The following ANKRD26 variants were observed in gnomAD, a reference collection of about 807,000 sequenced individuals.
ANKRD26 encodes the protein ankyrin repeat domain-containing protein 26.
A neutral mutation model predicts 208.7 loss-of-function variants in ANKRD26; 141 were observed. The ratio of observed to expected loss-of-function variants is 0.68; its 90% CI spans 0.59 to 0.78. ANKRD26 has a LOEUF of 0.78. Among genes scored for constraint, ANKRD26 ranks in the 30% least tolerant of loss-of-function variants. ANKRD26 has a pLI of 0.00. For missense variants in ANKRD26, 1,889 were observed against 1,938.7 expected (o/e 0.97, Z 0.48); for synonymous variants, 636 against 660.4 (o/e 0.96, Z 0.57).
At chr10:27,048,683 G>T in intron 17 of ANKRD26, 118 bp downstream of exon 17, 1 of 1,001,330 alleles carries the variant, frequency 1.0e-6, no homozygotes, top group Non-Finnish European at 1.5e-6. Flanking sequence ...TGCAAGGCAA[G>T]GTTGCATATC....
chr10:27,074,091 G>T (rs971897268), intron 9 of ANKRD26, among the ~76,000 whole-genome samples: 9 of 138,934 alleles, frequency 6.5e-5, no homozygotes, highest in African/African-American at 2.2e-4. Flanking sequence ...GAAGGAACCA[G>T]AAAAATAATT....
chr10:27,048,460 G>A (rs971538607), intron 17 of ANKRD26, among the ~76,000 whole-genome samples: 6 of 152,154 alleles, frequency 3.9e-5, no homozygotes, highest in African/African-American at 1.2e-4. Context: ...AGTCCCAGAA[G>A]TGAAGCTGTT....
downstream of ANKRD26, among the ~76,000 whole-genome samples, chr10:26,991,499 C>T (rs140634386): frequency 4.1e-3 from 618 of 151,884 alleles, 9 homozygotes; most frequent in African/African-American, 0.014. Context: ...TGCAATGGCA[C>T]GATCTTGGCT....
intron 20 of ANKRD26, among the ~76,000 whole-genome samples, chr10:27,042,798 C>CAAAAAAAA (rs60850386): frequency 8.2e-5 from 4 of 48,954 alleles, no homozygotes; most frequent in Non-Finnish European, 1.3e-4. Context: ...CAAAAAAATA[C>CAAAAAAAA]AAAAAAAAAA....
chr10:27,056,604 C>G (rs2054848214), intron 15 of ANKRD26, among the ~76,000 whole-genome samples: 1 of 151,548 alleles, frequency 6.6e-6, no homozygotes, highest in Non-Finnish European at 1.5e-5. Context: ...ATGGTGAAAC[C>G]CTGTCTCTAC....
At chr10:26,971,972 A>C (rs545903465), downstream of ANKRD26, among the ~76,000 whole-genome samples, 4 of 152,170 alleles carry the variant, frequency 2.6e-5, no homozygotes, top group East Asian at 7.7e-4. Flanking sequence ...GCAGTGGCTC[A>C]CGCCTGTAAT....
the ANKRD26 span, among the ~76,000 whole-genome samples, chr10:26,953,356 C>G: frequency 6.6e-6 from 1 of 152,122 alleles, no homozygotes; most frequent in Non-Finnish European, 1.5e-5. Flanking sequence ...CCCAGAAGTT[C>G]GAGAGTTCGA....
Position 27,004,121 on chromosome 10 carries a change from T to A in ANKRD26, c.*1469A>T, listed in dbSNP as rs1589193587. On this transcript the variant is annotated 3_prime_UTR_variant, in exon 34 of 34. Coordinates refer to ENST00000376087, the MANE Select transcript of ANKRD26 (RefSeq NM_014915.3). ...CATCGTGTCTGCAACCTACAAACAG[T>A]TTAGAAAAAAAATCTGTATTAAGTA... is the stretch of plus-strand genomic sequence containing the variant. 6.6e-6 allele frequency: 1 copy of A among 151,958 alleles called. No individual in the cohort carries two copies. The highest frequency in any genetic ancestry group is 6.6e-5 in the Admixed American group (1 of 15,246). The allele number at this position is 151,958 out of a possible 1,614,324, so 9.4% of individuals were successfully genotyped here.
chr10:27,093,835 G>A, intron 1 of ANKRD26, 36 bp from the exon 2 acceptor site: 1 of 1,429,306 alleles, frequency 7.0e-7, no homozygotes. Context: ...AAACTGTAGT[G>A]CACTGTCTCA....
chr10:27,061,294 A>T, intron 12 of ANKRD26, 52 bp from the exon 13 acceptor site: 1 of 1,235,426 alleles, frequency 8.1e-7, no homozygotes, highest in Non-Finnish European at 1.2e-6. Flanking sequence ...TATCAAAAGG[A>T]AAAAATTTAA....
chr10:26,969,815 T>G (rs566493473), downstream of ANKRD26, among the ~76,000 whole-genome samples: 4,012 of 151,434 alleles, frequency 0.026, 180 homozygotes, highest in African/African-American at 0.092. Context: ...CTTTCTGTTT[T>G]TTTTTTTTTT....
intron 6 of ANKRD26, among the ~76,000 whole-genome samples, chr10:27,081,823 C>T (rs1035623614): frequency 3.3e-5 from 5 of 151,718 alleles, no homozygotes; most frequent in South Asian, 2.1e-4. Context: ...CTGCAACCTC[C>T]GCCTCCCGGG....
intron 28 of ANKRD26, among the ~76,000 whole-genome samples, chr10:27,023,584 A>G (rs2053562482): frequency 6.6e-6 from 1 of 152,204 alleles, no homozygotes; most frequent in Non-Finnish European, 1.5e-5. Context: ...AAATGAGCAG[A>G]GAAAGCATGT....
intron 5 of ANKRD26, among the ~76,000 whole-genome samples, chr10:26,976,961 G>A (rs995139613): frequency 1.3e-5 from 2 of 152,130 alleles, no homozygotes; most frequent in Non-Finnish European, 1.5e-5. Flanking sequence ...GTGATAATGC[G>A]GCAGGCTCAC....
rs1466075678 is a variant in ANKRD26 at position 27,083,952 on chromosome 10, T to G, written c.710-1119A>C. ...CACCTAGGCCGGGTGCAGTGGCCCA[T>G]GCCTGTTATCCCAGCACTTTGGGAG... On this transcript the variant is annotated intron_variant, in intron 5 of 33. Coordinates refer to ENST00000376087, the MANE Select transcript of ANKRD26 (RefSeq NM_014915.3). Among the ~76,000 whole-genome samples the G allele has an allele frequency of 3.9e-5, 6 of 152,210 alleles. 1 individual carries two copies. The highest frequency in any genetic ancestry group is 7.2e-5 in the African/African-American group (3 of 41,456).
intron 1 of ANKRD26, among the ~76,000 whole-genome samples, chr10:27,099,044 G>A (rs1299284606): frequency 2.6e-5 from 4 of 151,934 alleles, no homozygotes; most frequent in African/African-American, 9.7e-5. Context: ...AGGCTGGAGT[G>A]CAATGGCACG....
chr10:26,986,974 T>C (rs1433135157), downstream of ANKRD26, among the ~76,000 whole-genome samples: 2 of 152,222 alleles, frequency 1.3e-5, no homozygotes, highest in Non-Finnish European at 2.9e-5. Context: ...TAGAGACACA[T>C]GCACATGTAT....
the ANKRD26 span, among the ~76,000 whole-genome samples, chr10:26,951,013 C>CTTTTTTTTTTTTTTTTT: frequency 7.2e-4 from 73 of 100,914 alleles, 3 homozygotes; most frequent in African/African-American, 3.5e-3. Flanking sequence ...CTTTTCTTTT[C>CTTTTTTTTTTTTTTTTT]TTTTTCTTTT....
intron 31 of ANKRD26, 134 bp downstream of exon 31, chr10:27,014,360 T>C: frequency 1.5e-6 from 1 of 664,306 alleles, no homozygotes; most frequent in Non-Finnish European, 2.6e-6. Context: ...GGTAAGTTAA[T>C]TTACTAACAT....
Sources: allele counts gnomAD v4.1 joint callset (sites outside exome capture counted in the v4.1 genomes callset), GRCh38; gene constraint gnomAD v4.1.1; transcripts MANE v1.5; gene names NCBI Gene and HGNC (gene_info 2026-07-23, HGNC 2026-07-21).